LEKR1: variants seen among roughly 807,000 people sequenced by gnomAD.
LEKR1 encodes leucine, glutamate and lysine rich 1.
A neutral mutation model predicts 72.4 loss-of-function variants in LEKR1; 59 were observed. The ratio of observed to expected loss-of-function variants is 0.82; its 90% CI spans 0.66 to 1.01. The LOEUF is 1.01. Ranked by LOEUF, LEKR1 falls within the 50% of genes least tolerant of loss-of-function variation. The probability of loss-of-function intolerance (pLI) is 0.00; values close to 1 mark genes in which losing one functional copy is unlikely to be tolerated. For synonymous variants in LEKR1, 257 were observed against 263.2 expected, an observed-to-expected ratio of 0.98 and a Z score of 0.23; for missense variants, 728 against 759.2, an observed-to-expected ratio of 0.96 and a Z score of 0.48.
At chr3:156,971,354 G>T (rs1385392106) in intron 6 of LEKR1, among the ~76,000 whole-genome samples, 1 of 152,168 alleles carries the variant, frequency 6.6e-6, no homozygotes, top group Non-Finnish European at 1.5e-5. Flanking sequence ...ATGGATTAAA[G>T]ACTTAAATGT....
In LEKR1 at chr3:156,967,300, G is replaced by T. The variant is rs571609284; in HGVS notation, c.746-11894G>T. ...GGAGAATGACTTTGACAAGTTGAGA[G>T]AAGGCTTCAGACGATCAAACTACTC... On this transcript the variant is annotated intron_variant, in intron 6 of 12. Coordinates refer to ENST00000356539, the MANE Select transcript of LEKR1 (RefSeq NM_001004316.3). 2.0e-5 allele frequency among the ~76,000 whole-genome samples: 3 copies of T among 152,296 alleles called. No homozygotes were observed. The East Asian group carries it at 5.8e-4, about 29-fold the overall frequency.
At chr3:156,839,920 C>A (rs1052629701) in intron 2 of LEKR1, among the ~76,000 whole-genome samples, 6 of 152,108 alleles carry the variant, frequency 3.9e-5, no homozygotes, top group African/African-American at 1.4e-4. Context: ...CAAAGTTACT[C>A]CAAGCGTGCC....
At chr3:156,995,477 A>C (rs983979089) in intron 9 of LEKR1, among the ~76,000 whole-genome samples, 3 of 152,062 alleles carry the variant, frequency 2.0e-5, no homozygotes, top group African/African-American at 7.3e-5. Flanking sequence ...GTCTATCCAG[A>C]ATATACATGT....
intron 4 of LEKR1, 24 bp from the exon 5 acceptor site, chr3:156,927,405 C>T (rs1724819683): frequency 5.7e-6 from 5 of 877,136 alleles, no homozygotes; most frequent in South Asian, 4.3e-5. Flanking sequence ...TTTTAAAATC[C>T]TATTTTTTTT....
chr3:156,837,996 T>A (rs344080), intron 2 of LEKR1, among the ~76,000 whole-genome samples: 128,489 of 152,186 alleles, frequency 0.84, 54,403 homozygotes, highest in African/African-American at 0.91. Context: ...ACATGGGGGA[T>A]CCAAAATGAC....
chr3:157,043,736 T>C (rs988693664), intron 12 of LEKR1, among the ~76,000 whole-genome samples: 1 of 152,224 alleles, frequency 6.6e-6, no homozygotes, highest in Non-Finnish European at 1.5e-5. Context: ...TTTCCACAAC[T>C]GTTTCCACTA....
At chr3:157,029,877 A>G (rs1734478385) in intron 12 of LEKR1, among the ~76,000 whole-genome samples, 2 of 152,244 alleles carry the variant, frequency 1.3e-5, no homozygotes, top group Admixed American at 1.3e-4. Flanking sequence ...AAATGGCAAT[A>G]TAGAAAATGA....
In LEKR1 at chr3:156,871,737, A is replaced by G. The variant is rs569093596; in HGVS notation, c.263+18755A>G. Among the ~76,000 whole-genome samples, 8 of 152,212 alleles carry G rather than the reference A, an allele frequency of 5.3e-5. No homozygotes were observed. In the East Asian group the frequency reaches 1.5e-3, roughly 29 times the overall value. ...TCATTCTTTTGATGTGATATATCAC[A>G]TTTATTGATTTGTGTATGTTGAACC... On this transcript the variant is annotated intron_variant, in intron 3 of 12. Coordinates refer to ENST00000356539, the MANE Select transcript of LEKR1 (RefSeq NM_001004316.3).
At chr3:156,853,096 T>C (rs1380679579) in intron 3 of LEKR1, 114 bp downstream of exon 3, 39 of 469,194 alleles carry the variant, frequency 8.3e-5, no homozygotes, top group Non-Finnish European at 1.3e-4. Flanking sequence ...GTTTATACTT[T>C]AATGCATTTG....
chr3:157,006,402 T>C (rs899578716), intron 9 of LEKR1, among the ~76,000 whole-genome samples: 1 of 152,238 alleles, frequency 6.6e-6, no homozygotes, highest in Admixed American at 6.5e-5. Flanking sequence ...AATCTACTGG[T>C]AGGCATGTCA....
At chr3:156,842,759 C>T (rs1714095238) in intron 2 of LEKR1, among the ~76,000 whole-genome samples, 2 of 152,180 alleles carry the variant, frequency 1.3e-5, no homozygotes, top group Non-Finnish European at 2.9e-5. Context: ...AAAGCATTTT[C>T]CCCTGGTCTC....
intron 7 of LEKR1, among the ~76,000 whole-genome samples, chr3:156,987,022 CTATTG>C (rs67063525): frequency 0.21 from 25,505 of 124,238 alleles, 2,427 homozygotes; most frequent in Admixed American, 0.24. Context: ...AAATAGCTAG[CTATTG>C]TATTGTATTG....
chr3:156,921,028 A>G (rs1056139336), intron 4 of LEKR1: 2 of 161,058 alleles, frequency 1.2e-5, no homozygotes, highest in South Asian at 1.9e-4. Flanking sequence ...GTCCAGTGAC[A>G]AGAAAAGTAA....
chr3:156,940,607 CA>C (rs1427142292), intron 5 of LEKR1, among the ~76,000 whole-genome samples: 1 of 152,164 alleles, frequency 6.6e-6, no homozygotes. Flanking sequence ...GTTTATTTTG[CA>C]AAAGGTAAGT....
rs1377371375 is a variant in LEKR1, at chr3:157,020,565, G to A, written c.1204-4195G>A. On this transcript the variant is annotated intron_variant, in intron 10 of 12. Coordinates refer to ENST00000356539, the MANE Select transcript of LEKR1 (RefSeq NM_001004316.3). ...GTCCTTGCGATAGTTTACTGAGAAT[G>A]ATGATTTCCAATTTCATCCATGTAC... Among the ~76,000 whole-genome samples, 18 of 150,976 alleles carry A rather than the reference G, an allele frequency of 1.2e-4. 1 individual carries two copies. The highest frequency in any genetic ancestry group is 4.1e-4 in the African/African-American group (17 of 41,144).
intron 10 of LEKR1, among the ~76,000 whole-genome samples, chr3:157,019,644 A>G (rs1273859912): frequency 6.6e-6 from 1 of 152,214 alleles, no homozygotes; most frequent in Admixed American, 6.5e-5. Flanking sequence ...TTCATGCTTT[A>G]TATGTACACC....
chr3:156,954,294 T>G (rs572073138), intron 6 of LEKR1, among the ~76,000 whole-genome samples: 2 of 152,186 alleles, frequency 1.3e-5, no homozygotes, highest in South Asian at 4.1e-4. Context: ...TTGCAAAAAT[T>G]TTCTTCCATT....
chr3:157,005,059 A>C (rs1201625532), intron 9 of LEKR1, among the ~76,000 whole-genome samples: 3 of 152,068 alleles, frequency 2.0e-5, no homozygotes, highest in Non-Finnish European at 4.4e-5. Context: ...AGGAATAAAA[A>C]AGAGAAGTCA....
At chr3:156,972,931 G>A (rs1488384288) in intron 6 of LEKR1, among the ~76,000 whole-genome samples, 1 of 151,938 alleles carries the variant, frequency 6.6e-6, no homozygotes, top group East Asian at 1.9e-4. Context: ...ATATCTTAAT[G>A]ATATTTGTAC....
Sources: gnomAD v4.1 joint callset for allele counts (sites outside exome capture counted in the v4.1 genomes callset) on GRCh38, gnomAD v4.1.1 for gene constraint, MANE v1.5 for transcripts, NCBI Gene and HGNC (gene_info 2026-07-23, HGNC 2026-07-21) for gene names.